The following CKMT2 variants were observed in gnomAD, a reference collection of about 807,000 sequenced individuals.
The protein encoded by CKMT2 is creatine kinase, mitochondrial 2.
Under a neutral mutation model 48.9 loss-of-function variants are expected in CKMT2, and 43 were observed. The ratio of observed to expected loss-of-function variants is 0.88; its 90% confidence interval spans 0.69 to 1.13. The LOEUF is 1.13. Among genes scored for constraint, CKMT2 ranks in the 50% most tolerant of loss-of-function variants. The pLI, the probability that CKMT2 is intolerant of heterozygous loss-of-function variation, is 0.00. For synonymous variants in CKMT2, 206 were observed against 213.0 expected, an observed-to-expected ratio of 0.97 and a Z score of 0.29; for missense variants, 472 against 555.4, an observed-to-expected ratio of 0.85 and a Z score of 1.51.
Position 81,254,205 on chromosome 5 carries a change from CTTG to C in CKMT2, c.352-170_352-168del, listed in dbSNP as rs112071184. 6.7e-3 allele frequency among the ~76,000 whole-genome samples: 1,024 copies of C among 152,176 alleles called. 6 individuals carry two copies. The highest frequency in any genetic ancestry group is 0.023 in the South Asian group (109 of 4,814). The stretch of plus-strand genomic sequence containing the variant: ...AAGATGCCTTCAAAAGGCTTTCTCT[CTTG>C]TTGTTGTTGTTGTTGTTGTTATTAA... On this transcript the variant is annotated intron_variant, in intron 3 of 9. Transcript: ENST00000254035.
At chr5:81,234,632 CAGCAAAGCACAGGAGTGCCACA>C (rs1391413822) in intron 1 of CKMT2, among the ~76,000 whole-genome samples, 2 of 152,204 alleles carry the variant, frequency 1.3e-5, no homozygotes, top group Non-Finnish European at 2.9e-5. Context: ...GGCACTGTCA[CAGCAAAGCACAGGAGTGCCACA>C]TGCACCCCAT....
At chr5:81,261,908 A>C (rs868016773) in intron 8 of CKMT2, among the ~76,000 whole-genome samples, 2 of 152,356 alleles carry the variant, frequency 1.3e-5, no homozygotes, top group Middle Eastern at 6.8e-3. Flanking sequence ...AAAAGAACAA[A>C]GCTGGAGGCA....
chr5:81,265,285 T>C (rs1209400805), intron 9 of CKMT2, among the ~76,000 whole-genome samples: 1 of 152,212 alleles, frequency 6.6e-6, no homozygotes, highest in Non-Finnish European at 1.5e-5. Context: ...TAGTAGTGAC[T>C]AACATTCTGA....
chr5:81,254,118 A>G (rs1047432029), intron 3 of CKMT2, among the ~76,000 whole-genome samples: 3 of 152,242 alleles, frequency 2.0e-5, no homozygotes, highest in African/African-American at 7.2e-5. Flanking sequence ...TGATTTTGGC[A>G]GAATCACTCA....
intron 8 of CKMT2, among the ~76,000 whole-genome samples, chr5:81,260,634 G>A (rs1163567920): frequency 1.3e-5 from 2 of 152,192 alleles, no homozygotes; most frequent in African/African-American, 4.8e-5. Context: ...ATAAATTCCT[G>A]GACACATACA....
chr5:81,249,453 T>C (rs1195751769), intron 1 of CKMT2, among the ~76,000 whole-genome samples: 2 of 152,204 alleles, frequency 1.3e-5, no homozygotes, highest in Admixed American at 1.3e-4. Flanking sequence ...TGTTCTCTAC[T>C]CAAAGAGCCA....
chr5:81,262,811 A>G (rs548338376), intron 8 of CKMT2, among the ~76,000 whole-genome samples: 1 of 152,378 alleles, frequency 6.6e-6, no homozygotes, highest in Non-Finnish European at 1.5e-5. Flanking sequence ...CATTTGACCC[A>G]GCCATCCCAT....
At position 81,254,435 on chromosome 5, in the gene CKMT2, C is replaced by A. The variant is rs766495707; in HGVS notation, c.391C>A (p.His131Asn). 1.9e-6 allele frequency: 3 copies of A among 1,614,158 alleles called. No individual in the cohort carries two copies. The South Asian group carries it at 3.3e-5, about 18-fold the overall frequency. Residue 131 changes from histidine to asparagine, a missense_variant, in exon 4 of 10, where the codon CAC (histidine) becomes AAC (asparagine). By Grantham distance (68) the His-to-Asn change is moderately conservative. Coordinates refer to ENST00000254035, the MANE Select transcript of CKMT2 (RefSeq NM_001099735.2). ...DLFDPVIKLR[H>N]NGYDPRVMKH... Reference sequence around the variant, plus strand: ...TTTTGACCCCGTCATCAAACTAAGACACAACGGCTATGACCCCAGGGTGAT... The same window carrying A: ...TTTTGACCCCGTCATCAAACTAAGAAACAACGGCTATGACCCCAGGGTGAT...
At chr5:81,251,710 A>G (rs1353687686) in intron 2 of CKMT2, among the ~76,000 whole-genome samples, 1 of 152,206 alleles carries the variant, frequency 6.6e-6, no homozygotes, top group Non-Finnish European at 1.5e-5. Flanking sequence ...TGACTAAGTA[A>G]AACCGAAAAT....
chr5:81,263,563 G>A lies in CKMT2; in HGVS notation c.1087G>A (p.Ala363Thr), dbSNP rs141871322. The A allele has an allele frequency of 3.2e-5, 52 of 1,612,708 alleles. No individual in the cohort carries two copies. The highest frequency in any genetic ancestry group is 4.5e-5 in the East Asian group (2 of 44,842). Residue 363 changes from alanine (A) to threonine (T), a missense_variant, in exon 9 of 10, where the codon GCG becomes ACG. Ala to Thr is a moderately conservative substitution (Grantham distance 58). Coordinates refer to ENST00000254035, the MANE Select transcript of CKMT2 (RefSeq NM_001099735.2). ...TGGCACAGGTGGTGTGGACACTGCCGCGGTCGCAGATGTGTACGACATTTC... is the reference window on the plus strand; with the variant it reads ...TGGCACAGGTGGTGTGGACACTGCCACGGTCGCAGATGTGTACGACATTTC... ...KRGTGGVDTA[A>T]VADVYDISNI...
At chr5:81,258,160 A>C (rs1757081615) in intron 7 of CKMT2, among the ~76,000 whole-genome samples, 1 of 152,214 alleles carries the variant, frequency 6.6e-6, no homozygotes. Flanking sequence ...TCAGCCTCTC[A>C]AAGTGCTGGG....
At chr5:81,263,376 T>A in intron 8 of CKMT2, 115 bp from the exon 9 acceptor site, 1 of 273,392 alleles carries the variant, frequency 3.7e-6, no homozygotes, top group Non-Finnish European at 6.3e-6. Flanking sequence ...ATTTATTATA[T>A]ATATAAAAAG....
intron 1 of CKMT2, among the ~76,000 whole-genome samples, chr5:81,244,444 T>A (rs1756540280): frequency 6.6e-6 from 1 of 152,176 alleles, no homozygotes; most frequent in Non-Finnish European, 1.5e-5. Flanking sequence ...GCAGATGTCA[T>A]CTGCCAGGGA....
chr5:81,263,184 G>C (rs890417163), intron 8 of CKMT2, among the ~76,000 whole-genome samples: 1 of 151,422 alleles, frequency 6.6e-6, no homozygotes, highest in Non-Finnish European at 1.5e-5. Flanking sequence ...GGGGGGTGGG[G>C]GTTTGGGGAG....
At chr5:81,262,198 G>A (rs548928631) in intron 8 of CKMT2, among the ~76,000 whole-genome samples, 31 of 152,088 alleles carry the variant, frequency 2.0e-4, no homozygotes, top group Non-Finnish European at 3.4e-4. Context: ...ACTCAAGATG[G>A]ATTAAAGACT....
At chr5:81,242,876 TTGTTTTC>T (rs758306088) in intron 1 of CKMT2, among the ~76,000 whole-genome samples, 19 of 152,194 alleles carry the variant, frequency 1.2e-4, no homozygotes, top group Admixed American at 4.6e-4. Flanking sequence ...GGTGTGGGAA[TTGTTTTC>T]TGAAAAGCAA....
rs1481304496 is a variant in CKMT2, at chr5:81,252,991, T to C, written c.351+98T>C. The C allele has an allele frequency of 4.4e-5, 58 of 1,322,610 alleles. 1 individual carries two copies. The highest frequency in any genetic ancestry group is 5.9e-5 in the Non-Finnish European group (55 of 930,098). 81.9% of individuals were successfully genotyped at this position (1,322,610 alleles called of 1,614,324 possible). On this transcript the variant is annotated intron_variant, in intron 3 of 9. Transcript: ENST00000254035. ...TCCTTTTCTTCTCTATGGGGCCAAC[T>C]TTCTGCCTTCTCAGGAAGGGCTCTC...
intron 9 of CKMT2, among the ~76,000 whole-genome samples, chr5:81,265,368 G>C (rs1350088163): frequency 6.6e-6 from 1 of 152,202 alleles, no homozygotes; most frequent in African/African-American, 2.4e-5. Flanking sequence ...TGGAGTATGT[G>C]ATGCCTGAGA....
Position 81,242,884 on chromosome 5 carries a change from T to C in CKMT2, c.-20-8229T>C, listed in dbSNP as rs188619825. On this transcript the variant is annotated intron_variant, in intron 1 of 9. Transcript: ENST00000254035. ...TCCATCTGGTGTGGGAATTGTTTTC[T>C]GAAAAGCAATGCAAGGGAATAGGTC... 3.8e-3 allele frequency among the ~76,000 whole-genome samples: 585 copies of C among 152,342 alleles called. 11 individuals carry two copies. Among genetic ancestry groups the C allele is most frequent in the Non-Finnish European group, 1.7e-3 (116 of 68,028 alleles).
Sources: allele counts gnomAD v4.1 joint callset (sites outside exome capture counted in the v4.1 genomes callset), GRCh38; gene constraint gnomAD v4.1.1; transcripts MANE v1.5; gene names NCBI Gene and HGNC (gene_info 2026-07-23, HGNC 2026-07-21).